The following TENM3 variants were observed in gnomAD, a reference collection of about 807,000 sequenced individuals.
TENM3 encodes the protein teneurin-3.
Under a neutral mutation model 255.1 loss-of-function variants are expected in TENM3, and 63 were observed. That is an observed-to-expected ratio of 0.25 (90% CI 0.20 to 0.30). The LOEUF (loss-of-function observed/expected upper bound fraction) is 0.30. Among genes scored for constraint, TENM3 ranks in the 10% least tolerant of loss-of-function variants. The pLI, the probability that TENM3 is intolerant of heterozygous loss-of-function variation, is 1.00. For synonymous variants in TENM3, 1,306 were observed against 1,322.3 expected, an observed-to-expected ratio of 0.99 and a Z score of 0.27; for missense variants, 2,929 against 3,461.1, an observed-to-expected ratio of 0.85 and a Z score of 3.86.
At chr4:181,697,471 G>T in the TENM3 span, among the ~76,000 whole-genome samples, 23 of 152,260 alleles carry the variant, frequency 1.5e-4, no homozygotes, top group Non-Finnish European at 3.1e-4. Flanking sequence ...TTGGCTCTCT[G>T]CAACCTCCGC....
the TENM3 span, among the ~76,000 whole-genome samples, chr4:181,540,385 T>C: frequency 6.6e-6 from 1 of 152,176 alleles, no homozygotes; most frequent in African/African-American, 2.4e-5. Flanking sequence ...ATGATTTATA[T>C]AGTTGCTCCA....
chr4:182,000,340 C>G, the TENM3 span, among the ~76,000 whole-genome samples: 1 of 152,004 alleles, frequency 6.6e-6, no homozygotes, highest in East Asian at 1.9e-4. Flanking sequence ...ATTATACCAC[C>G]GGGACCTCCT....
the TENM3 span, among the ~76,000 whole-genome samples, chr4:181,639,122 CAT>C: frequency 6.6e-6 from 1 of 152,084 alleles, no homozygotes; most frequent in Non-Finnish European, 1.5e-5. Context: ...ATGAATCTGA[CAT>C]AGCAGAAAGT....
the TENM3 span, among the ~76,000 whole-genome samples, chr4:182,038,743 AT>A: frequency 1.1e-4 from 17 of 152,028 alleles, no homozygotes; most frequent in African/African-American, 4.1e-4. Flanking sequence ...TATTATGATT[AT>A]TTTTTTGAGA....
chr4:181,530,158 T>C, the TENM3 span, among the ~76,000 whole-genome samples: 4 of 152,352 alleles, frequency 2.6e-5, no homozygotes, highest in East Asian at 7.7e-4. Flanking sequence ...TATTAAACTA[T>C]TATTTCTTTC....
intron 3 of TENM3, among the ~76,000 whole-genome samples, chr4:182,454,181 T>A (rs901445682): frequency 1.3e-5 from 2 of 152,228 alleles, no homozygotes; most frequent in African/African-American, 4.8e-5. Flanking sequence ...AAAAGCCATT[T>A]GGCTATTTTA....
the TENM3 span, among the ~76,000 whole-genome samples, chr4:182,045,166 C>T: frequency 0.029 from 4,353 of 152,166 alleles, 211 homozygotes; most frequent in African/African-American, 0.097. Flanking sequence ...TAGTCCTGTC[C>T]TTCTGAATGA....
intron 3 of TENM3, among the ~76,000 whole-genome samples, chr4:182,409,678 T>C (rs188145535): frequency 6.6e-6 from 1 of 152,334 alleles, no homozygotes; most frequent in African/African-American, 2.4e-5. Flanking sequence ...GTTAATTTTA[T>C]GTATGTAAAT....
rs180677726 is a variant in TENM3, at chr4:182,475,295, T to C, written c.512-125629T>C. Among the ~76,000 whole-genome samples, 688 of 152,312 alleles carry C rather than the reference T, an allele frequency of 4.5e-3. 3 individuals carry two copies. Among genetic ancestry groups the C allele is most frequent in the Non-Finnish European group, 7.6e-3 (515 of 68,022 alleles). ...AAGTTGGTTATTTTTTAAAAAATTA[T>C]TCTTTTTAAAATATATCAGTGATTA... On this transcript the variant is annotated intron_variant, in intron 3 of 27. Transcript: ENST00000511685.
At chr4:182,066,599 A>ATATATATATATATATAT in the TENM3 span, among the ~76,000 whole-genome samples, 3 of 137,114 alleles carry the variant, frequency 2.2e-5, no homozygotes, top group African/African-American at 8.6e-5. Context: ...GTAAAAAAAA[A>ATATATATATATATATAT]ATATATATAT....
chr4:182,237,856 C>CT (rs2150048206), intron 1 of TENM3, among the ~76,000 whole-genome samples: 1 of 152,202 alleles, frequency 6.6e-6, no homozygotes, highest in East Asian at 1.9e-4. Flanking sequence ...TTGCTTTCTG[C>CT]TTTCTGGGTT....
rs1192658079 is a variant in TENM3, at chr4:182,751,846, G to A, written c.3676G>A (p.Gly1226Arg). 1 of 1,613,772 alleles carries A rather than the reference G, an allele frequency of 6.2e-7. No individual in the cohort carries two copies. The highest frequency in any genetic ancestry group is 8.5e-7 in the Non-Finnish European group (1 of 1,179,884). ...CTACCTTGCAACGGATCCAGTCACG[G>A]GAGATCTGTACGTTTCTGACACAAA... ...RYYLATDPVT[G>R]DLYVSDTNTR... Residue 1226 changes from glycine (G) to arginine (R), a missense_variant, in exon 20 of 28, where the codon GGA becomes AGA. Physicochemically the swap from Gly to Arg is moderately radical, Grantham distance 125. Around this residue, in one of 6 missense-constraint regions of TENM3, gnomAD observed 1,608 missense variants for 1,884.4 expected, o/e 0.85. Coordinates refer to ENST00000511685, the MANE Select transcript of TENM3 (RefSeq NM_001080477.4).
At chr4:182,744,450 A>G (rs983846382) in intron 19 of TENM3, among the ~76,000 whole-genome samples, 4 of 152,218 alleles carry the variant, frequency 2.6e-5, no homozygotes, top group Non-Finnish European at 4.4e-5. Flanking sequence ...ATTTCCAAGC[A>G]TTAGTTACTG....
the TENM3 span, among the ~76,000 whole-genome samples, chr4:181,966,752 C>A: frequency 6.6e-6 from 1 of 152,178 alleles, no homozygotes; most frequent in Non-Finnish European, 1.5e-5. Flanking sequence ...TTTAAATGGG[C>A]AAGACCCTTC....
chr4:181,921,853 A>G, the TENM3 span, among the ~76,000 whole-genome samples: 64 of 152,282 alleles, frequency 4.2e-4, no homozygotes, highest in Non-Finnish European at 7.4e-4. Flanking sequence ...CCCATTCAGT[A>G]TGATATTGGC....
chr4:182,183,663 C>G (rs954410679), intron 1 of TENM3, among the ~76,000 whole-genome samples: 7 of 152,050 alleles, frequency 4.6e-5, no homozygotes, highest in African/African-American at 1.7e-4. Flanking sequence ...GTTTTTACTG[C>G]GTCCTCAACC....
intron 13 of TENM3, among the ~76,000 whole-genome samples, chr4:182,719,252 C>CTT (rs11348241): frequency 0.031 from 2,514 of 80,924 alleles, 348 homozygotes; most frequent in Middle Eastern, 0.048. Flanking sequence ...TTTTTTTTTT[C>CTT]TTTTTTTTTT....
chr4:182,058,632 T>C, the TENM3 span, among the ~76,000 whole-genome samples: 1 of 152,134 alleles, frequency 6.6e-6, no homozygotes, highest in Non-Finnish European at 1.5e-5. Context: ...ATCCTACTTC[T>C]AACACCTTTA....
intron 3 of TENM3, among the ~76,000 whole-genome samples, chr4:182,487,043 TG>T (rs1734815795): frequency 6.6e-6 from 1 of 152,210 alleles, no homozygotes; most frequent in Non-Finnish European, 1.5e-5. Context: ...ATCATAACTT[TG>T]TTCTGAATGT....
Sources: allele counts gnomAD v4.1 joint callset (sites outside exome capture counted in the v4.1 genomes callset), GRCh38; gene constraint gnomAD v4.1.1; regional missense constraint gnomAD v4.1.1; transcripts MANE v1.5; gene names NCBI Gene and HGNC (gene_info 2026-07-23, HGNC 2026-07-21).